Variants in PHLPP1 observed in about 807,000 individuals in gnomAD.
PHLPP1 encodes the protein PH domain and leucine rich repeat protein phosphatase 1.
In PHLPP1, 42 loss-of-function variants were observed where a neutral mutation model predicts 117.2. That is an observed-to-expected ratio of 0.36 (90% CI 0.28 to 0.46). The LOEUF (loss-of-function observed/expected upper bound fraction) is 0.46, where lower values mean the gene tolerates loss of function less well. Among genes scored for constraint, PHLPP1 ranks in the 20% least tolerant of loss-of-function variants. The pLI is 1.00. For synonymous variants in PHLPP1, 1,042 were observed against 970.7 expected (o/e 1.07, Z -1.37); for missense variants, 2,084 against 2,241.9 (o/e 0.93, Z 1.42).
chr18:62,835,118 C>A (rs890672472), intron 2 of PHLPP1, among the ~76,000 whole-genome samples: 4 of 151,578 alleles, frequency 2.6e-5, no homozygotes, highest in African/African-American at 9.7e-5. Flanking sequence ...CAGGTTTCTT[C>A]CTTTTCTTTG....
intron 1 of PHLPP1, among the ~76,000 whole-genome samples, chr18:62,775,347 G>T (rs368534289): frequency 6.6e-6 from 1 of 152,108 alleles, no homozygotes; most frequent in South Asian, 2.1e-4. Context: ...TGATCCACCC[G>T]CCTCGGCCTC....
intron 8 of PHLPP1, among the ~76,000 whole-genome samples, chr18:62,912,146 C>A (rs1451063958): frequency 7.1e-4 from 74 of 103,774 alleles, no homozygotes; most frequent in African/African-American, 2.8e-3. Context: ...ACTCTGGGGA[C>A]TGTGGTGGGG....
At chr18:62,948,801 T>C (rs1312349818) in intron 12 of PHLPP1, among the ~76,000 whole-genome samples, 3 of 152,266 alleles carry the variant, frequency 2.0e-5, no homozygotes, top group Non-Finnish European at 2.9e-5. Flanking sequence ...ATAGTAGTTA[T>C]ATTGTTTCAG....
chr18:62,933,662 A>G (rs112685444), intron 10 of PHLPP1, among the ~76,000 whole-genome samples: 1,753 of 152,300 alleles, frequency 0.012, 19 homozygotes, highest in Non-Finnish European at 0.018. Context: ...CAAATCATAG[A>G]AGAAAAACTC....
At chr18:62,752,458 A>G (rs1360729686) in intron 1 of PHLPP1, among the ~76,000 whole-genome samples, 1 of 152,246 alleles carries the variant, frequency 6.6e-6, no homozygotes, top group Non-Finnish European at 1.5e-5. Flanking sequence ...GACCTTTTAC[A>G]ACAGACGCTG....
At chr18:62,951,035 G>T (rs1910441022) in intron 12 of PHLPP1, among the ~76,000 whole-genome samples, 1 of 150,824 alleles carries the variant, frequency 6.6e-6, no homozygotes, top group African/African-American at 2.4e-5. Context: ...AGGCTGGAGT[G>T]CAGTGGCACG....
At chr18:62,784,672 C>A (rs1361386057) in intron 1 of PHLPP1, among the ~76,000 whole-genome samples, 1 of 152,314 alleles carries the variant, frequency 6.6e-6, no homozygotes, top group South Asian at 2.1e-4. Flanking sequence ...TACGTGTTAA[C>A]GTTTTGGACT....
At chr18:62,744,439 C>T (rs1390637769) in intron 1 of PHLPP1, among the ~76,000 whole-genome samples, 1 of 152,244 alleles carries the variant, frequency 6.6e-6, no homozygotes, top group African/African-American at 2.4e-5. Flanking sequence ...GATGTTTATT[C>T]AGAGAGTGGT....
At chr18:62,795,492 CAAAAAAA>C (rs11291832) in intron 1 of PHLPP1, among the ~76,000 whole-genome samples, 1 of 61,400 alleles carries the variant, frequency 1.6e-5, no homozygotes, top group Admixed American at 1.7e-4. Context: ...GACTCCATCT[CAAAAAAA>C]AAAAAAAAAA....
intron 12 of PHLPP1, among the ~76,000 whole-genome samples, chr18:62,951,299 G>A (rs1910451165): frequency 6.6e-6 from 1 of 151,852 alleles, no homozygotes; most frequent in Admixed American, 6.6e-5. Context: ...CTAGTTTTGT[G>A]TGTGTTTGTT....
intron 9 of PHLPP1, 149 bp from the exon 10 acceptor site, chr18:62,919,810 A>T: frequency 1.6e-6 from 1 of 641,932 alleles, no homozygotes; most frequent in East Asian, 2.8e-5. Flanking sequence ...TTGAGTATAT[A>T]GAAAGTATTG....
intron 10 of PHLPP1, among the ~76,000 whole-genome samples, chr18:62,925,003 T>G (rs1909582282): frequency 6.6e-6 from 1 of 152,052 alleles, no homozygotes; most frequent in East Asian, 1.9e-4. Context: ...AGGAAGATAT[T>G]CTAATCTAGA....
At chr18:62,944,140 T>G (rs1910210385) in intron 11 of PHLPP1, among the ~76,000 whole-genome samples, 1 of 151,728 alleles carries the variant, frequency 6.6e-6, no homozygotes, top group South Asian at 2.1e-4. Flanking sequence ...TACCAAAAAA[T>G]GTAAACTATT....
chr18:62,959,845 A>G (rs1005965565), intron 13 of PHLPP1, among the ~76,000 whole-genome samples: 1 of 152,210 alleles, frequency 6.6e-6, no homozygotes, highest in Non-Finnish European at 1.5e-5. Flanking sequence ...GTACTTGATG[A>G]GAAAATTAAT....
chr18:62,935,332 CTG>C (rs1483561319), intron 10 of PHLPP1, among the ~76,000 whole-genome samples: 4 of 152,122 alleles, frequency 2.6e-5, no homozygotes, highest in African/African-American at 7.2e-5. Context: ...TGTGCAAAAA[CTG>C]TATGAATAAA....
chr18:62,864,417 A>T (rs978734029), intron 4 of PHLPP1, among the ~76,000 whole-genome samples: 3 of 151,804 alleles, frequency 2.0e-5, no homozygotes, highest in Middle Eastern at 3.2e-3. Context: ...AGGGACAATG[A>T]TATTCCTACC....
chr18:62,810,802 A>G (rs913390155), intron 1 of PHLPP1, among the ~76,000 whole-genome samples: 23 of 152,204 alleles, frequency 1.5e-4, no homozygotes, highest in Non-Finnish European at 2.8e-4. Flanking sequence ...ATAGTTATTT[A>G]ATTAAAAATA....
chr18:62,730,889 T>C (rs764050740), intron 1 of PHLPP1, among the ~76,000 whole-genome samples: 14 of 151,838 alleles, frequency 9.2e-5, no homozygotes, highest in Non-Finnish European at 1.6e-4. Context: ...TATACAAATG[T>C]CATGTGGTTT....
chr18:62,720,692 G>A (rs931150037), intron 1 of PHLPP1, among the ~76,000 whole-genome samples: 4 of 151,866 alleles, frequency 2.6e-5, no homozygotes, highest in African/African-American at 9.7e-5. Flanking sequence ...TTAATTTTCA[G>A]TACAGAGGCT....
Sources: allele counts gnomAD v4.1 joint callset (sites outside exome capture counted in the v4.1 genomes callset), GRCh38; gene constraint gnomAD v4.1.1; transcripts MANE v1.5; gene names NCBI Gene and HGNC (gene_info 2026-07-23, HGNC 2026-07-21).